The following ALOX5AP variants were observed in gnomAD, a reference collection of about 807,000 sequenced individuals.
The protein encoded by ALOX5AP is arachidonate 5-lipoxygenase activating protein.
A neutral mutation model predicts 18.5 loss-of-function variants in ALOX5AP; 9 were observed. The ratio of observed to expected loss-of-function variants is 0.49; its 90% confidence interval spans 0.29 to 0.85. ALOX5AP has a LOEUF of 0.85. ALOX5AP is among the 40% of genes least tolerant of loss of function. The pLI, the probability that ALOX5AP is intolerant of heterozygous loss-of-function variation, is 0.08. For missense variants in ALOX5AP, 172 were observed against 202.5 expected (o/e 0.85, Z 0.91); for synonymous variants, 81 against 78.6 (o/e 1.03, Z -0.16).
intron 3 of ALOX5AP, among the ~76,000 whole-genome samples, chr13:30,753,943 T>G (rs1307755089): frequency 6.6e-6 from 1 of 152,174 alleles, no homozygotes; most frequent in Non-Finnish European, 1.5e-5. Flanking sequence ...TTTGTGATTT[T>G]TAGAGAATAG....
chr13:30,744,396 T>C (rs1341425690), intron 2 of ALOX5AP: 16 of 446,550 alleles, frequency 3.6e-5, no homozygotes, highest in Non-Finnish European at 6.2e-5. Context: ...TGGAGGGAGG[T>C]GTGATCTCTG....
At position 30,735,622 on chromosome 13, in the gene ALOX5AP, T is replaced by C. The variant is rs776014652; in HGVS notation, c.17T>C (p.Val6Ala). 3.7e-6 allele frequency: 6 copies of C among 1,613,964 alleles called. No homozygotes were observed. Among genetic ancestry groups the C allele is most frequent in the Non-Finnish European group, 4.2e-6 (5 of 1,180,030 alleles). ...GAAGCAAACATGGATCAAGAAACTG[T>C]AGGCAATGTTGTCCTGTTGGCCATC... MDQET[V>A]GNVVLLAIVT... is the part of the protein sequence containing the mutation. The change falls in exon 1 of 5, where the codon GTA (valine) becomes GCA (alanine). Residue 6 changes from valine to alanine, a missense_variant. Coordinates refer to ENST00000380490, the MANE Select transcript of ALOX5AP (RefSeq NM_001629.4).
At chr13:30,745,214 C>T (rs1215108504) in intron 2 of ALOX5AP, among the ~76,000 whole-genome samples, 1 of 152,182 alleles carries the variant, frequency 6.6e-6, no homozygotes, top group Non-Finnish European at 1.5e-5. Context: ...CAGTCCTTCT[C>T]CTCATCTAGG....
chr13:30,736,239 T>C (rs1951720402), intron 1 of ALOX5AP, among the ~76,000 whole-genome samples: 1 of 152,082 alleles, frequency 6.6e-6, no homozygotes, highest in South Asian at 2.1e-4. Context: ...CTCTAGCACG[T>C]ATAATTTTGG....
intron 1 of ALOX5AP, among the ~76,000 whole-genome samples, chr13:30,728,822 T>C (rs1241236862): frequency 6.6e-6 from 1 of 152,212 alleles, no homozygotes; most frequent in African/African-American, 2.4e-5. Flanking sequence ...CACTCTAGCC[T>C]GGGTGACAGA....
chr13:30,744,577 C>T (rs1485601345), intron 2 of ALOX5AP, among the ~76,000 whole-genome samples: 1 of 152,160 alleles, frequency 6.6e-6, no homozygotes, highest in African/African-American at 2.4e-5. Flanking sequence ...CCCTTGCTCC[C>T]CTGCGGGTGG....
At chr13:30,763,717 G>T (rs1369360283) in intron 4 of ALOX5AP, among the ~76,000 whole-genome samples, 2 of 152,182 alleles carry the variant, frequency 1.3e-5, no homozygotes, top group Non-Finnish European at 2.9e-5. Flanking sequence ...GTGGTAATGG[G>T]TTTTGAGGTC....
At chr13:30,735,364 C>T, upstream of ALOX5AP, 1 of 746,276 alleles carries the variant, frequency 1.3e-6, no homozygotes, top group South Asian at 2.1e-5. Flanking sequence ...GCTTTGCGTG[C>T]TCCTCTGCCA....
intron 1 of ALOX5AP, among the ~76,000 whole-genome samples, chr13:30,717,952 C>A (rs1951562310): frequency 8.0e-6 from 1 of 124,924 alleles, no homozygotes; most frequent in South Asian, 2.8e-4. Flanking sequence ...GAGAAAAATT[C>A]TGTTTATTTT....
intron 1 of ALOX5AP, among the ~76,000 whole-genome samples, chr13:30,720,950 CT>C (rs1951588639): frequency 6.6e-6 from 1 of 152,142 alleles, no homozygotes; most frequent in Non-Finnish European, 1.5e-5. Flanking sequence ...CACAAATGCT[CT>C]TTGGTTGAAA....
At chr13:30,722,504 T>C (rs1456177961) in intron 1 of ALOX5AP, among the ~76,000 whole-genome samples, 1 of 152,214 alleles carries the variant, frequency 6.6e-6, no homozygotes, top group Non-Finnish European at 1.5e-5. Flanking sequence ...AGCCAATGCA[T>C]GACACATGGT....
In ALOX5AP at chr13:30,714,504, C is replaced by G. The variant is rs1048380008; in HGVS notation, c.116+663C>G. On this transcript the variant is annotated intron_variant, in intron 1 of 5. Transcript: ENST00000617770. ...TCCATTTTGGGGGGCATCATTCATT[C>G]TTTCCTGTTCTCCCTGCATTCCTCT... Among the ~76,000 whole-genome samples the G allele has an allele frequency of 2.7e-5, 4 of 150,608 alleles. No individual in the cohort carries two copies. The East Asian group carries it at 7.9e-4, about 30-fold the overall frequency.
At chr13:30,731,754 C>T (rs1355532390), upstream of ALOX5AP, among the ~76,000 whole-genome samples, 1 of 152,200 alleles carries the variant, frequency 6.6e-6, no homozygotes, top group Non-Finnish European at 1.5e-5. Flanking sequence ...GAGGGTTGCA[C>T]TGAGGGGCAA....
intron 1 of ALOX5AP, among the ~76,000 whole-genome samples, chr13:30,726,814 C>T (rs1951642906): frequency 6.6e-6 from 1 of 151,972 alleles, no homozygotes; most frequent in Non-Finnish European, 1.5e-5. Flanking sequence ...TACAGGCATG[C>T]ACCACCATAC....
chr13:30,716,187 C>G (rs953485355), intron 1 of ALOX5AP, among the ~76,000 whole-genome samples: 1 of 152,200 alleles, frequency 6.6e-6, no homozygotes, highest in Non-Finnish European at 1.5e-5. Context: ...CTATTGTTAG[C>G]TTGCATTTTT....
chr13:30,740,651 G>C (rs1951755540), intron 1 of ALOX5AP, among the ~76,000 whole-genome samples: 1 of 152,226 alleles, frequency 6.6e-6, no homozygotes. Context: ...GAAGGAAGGA[G>C]CGGTAAACCC....
chr13:30,740,424 C>T (rs1173278326), intron 1 of ALOX5AP, among the ~76,000 whole-genome samples: 4 of 152,222 alleles, frequency 2.6e-5, no homozygotes, highest in Admixed American at 2.0e-4. Flanking sequence ...CCACGTACGG[C>T]GGATGCCTCA....
At chr13:30,742,414 G>GTTTGAAGT (rs1349771273) in intron 1 of ALOX5AP, 10 of 152,254 alleles carry the variant, frequency 6.6e-5, no homozygotes, top group Admixed American at 5.9e-4. Flanking sequence ...GCCCCGCAGA[G>GTTTGAAGT]TTTGAAGTCC....
chr13:30,719,539 G>A (rs1392607304), intron 1 of ALOX5AP, among the ~76,000 whole-genome samples: 1 of 152,192 alleles, frequency 6.6e-6, no homozygotes, highest in African/African-American at 2.4e-5. Flanking sequence ...TCTAGGTATA[G>A]ATTTCAGAGA....
Sources: gnomAD v4.1 joint callset for allele counts (sites outside exome capture counted in the v4.1 genomes callset) on GRCh38, gnomAD v4.1.1 for gene constraint, MANE v1.5 for transcripts, NCBI Gene and HGNC (gene_info 2026-07-23, HGNC 2026-07-21) for gene names.